The following SHISA6 variants were observed in gnomAD, a reference collection of about 807,000 sequenced individuals.
SHISA6 encodes protein shisa-6.
In SHISA6, 22 loss-of-function variants were observed where a neutral mutation model predicts 47.9. The ratio of observed to expected loss-of-function variants is 0.46; its 90% CI spans 0.33 to 0.66. SHISA6 has a LOEUF of 0.66. Among genes scored for constraint, SHISA6 ranks in the 30% least tolerant of loss-of-function variants. The probability of loss-of-function intolerance (pLI) is 0.02; values close to 1 mark genes in which losing one functional copy is unlikely to be tolerated. For missense variants in SHISA6, 680 were observed against 764.6 expected, an observed-to-expected ratio of 0.89 and a Z score of 1.30; for synonymous variants, 388 against 337.8, an observed-to-expected ratio of 1.15 and a Z score of -1.63.
intron 3 of SHISA6, among the ~76,000 whole-genome samples, chr17:11,383,308 T>G (rs1913085279): frequency 6.6e-6 from 1 of 152,080 alleles, no homozygotes; most frequent in Admixed American, 6.6e-5. Flanking sequence ...CAGCGGGGGC[T>G]CTTCCACTTC....
chr17:11,551,726 A>G (rs868077058), intron 3 of SHISA6, among the ~76,000 whole-genome samples, 170 bp from the exon 4 acceptor site: 1 of 152,198 alleles, frequency 6.6e-6, no homozygotes, highest in Non-Finnish European at 1.5e-5. Context: ...AGAGAGACAG[A>G]AACAGCAGGG....
At position 11,305,918 on chromosome 17, in the gene SHISA6, T is replaced by C. The variant is rs1294423585; in HGVS notation, c.799+42392T>C. Reference sequence around the variant, plus strand: ...CACAGAGAAAGGGAGAAGGCATTATTTGTGGGCAGTTAGTGGTCTTCACTG... The same window carrying C: ...CACAGAGAAAGGGAGAAGGCATTATCTGTGGGCAGTTAGTGGTCTTCACTG... On this transcript the variant is annotated intron_variant, in intron 2 of 5. Coordinates refer to ENST00000441885, the MANE Select transcript of SHISA6 (RefSeq NM_207386.4). Among the ~76,000 whole-genome samples, 5 of 152,148 alleles carry C rather than the reference T, an allele frequency of 3.3e-5. No individual in the cohort carries two copies. The East Asian group carries it at 9.6e-4, about 29-fold the overall frequency.
intron 3 of SHISA6, among the ~76,000 whole-genome samples, chr17:11,443,126 A>T (rs954479350): frequency 5.3e-5 from 8 of 152,232 alleles, no homozygotes; most frequent in African/African-American, 1.9e-4. Flanking sequence ...TGACACACGT[A>T]CTTGACCCGG....
In SHISA6 at chr17:11,332,698, CT is replaced by C. The variant is rs1380677286; in HGVS notation, c.800-46713del. ...AGCCACCTCCTGCAGGTTTCCAGGC[CT>C]TTAAATTCAAGTGGATAGATTATGC... On this transcript the variant is annotated intron_variant, in intron 2 of 5. Transcript: ENST00000441885. Among the ~76,000 whole-genome samples the C allele has an allele frequency of 3.9e-5, 6 of 152,130 alleles. No homozygotes were observed. The East Asian group carries it at 5.8e-4, about 15-fold the overall frequency.
intron 2 of SHISA6, among the ~76,000 whole-genome samples, chr17:11,362,670 TGCC>T (rs1285482739): frequency 6.6e-6 from 1 of 152,248 alleles, no homozygotes; most frequent in African/African-American, 2.4e-5. Context: ...TTTTCTCATG[TGCC>T]ATATGAAGGT....
At chr17:11,395,513 C>CTTTTT (rs886287303) in intron 3 of SHISA6, among the ~76,000 whole-genome samples, 16 of 117,368 alleles carry the variant, frequency 1.4e-4, no homozygotes, top group South Asian at 2.8e-4. Flanking sequence ...GGCAGTTTTA[C>CTTTTT]TTTTTTTTTT....
intron 2 of SHISA6, among the ~76,000 whole-genome samples, chr17:11,291,226 T>C (rs1035492316): frequency 1.3e-5 from 2 of 151,862 alleles, no homozygotes; most frequent in African/African-American, 2.4e-5. Context: ...CCCATGCATA[T>C]AATTAAAATA....
chr17:11,547,172 G>T (rs2193107), intron 3 of SHISA6, among the ~76,000 whole-genome samples: 9,265 of 152,268 alleles, frequency 0.061, 372 homozygotes, highest in Middle Eastern at 0.092. Flanking sequence ...GAATTAGGAT[G>T]CAGAGGAATT....
intron 2 of SHISA6, among the ~76,000 whole-genome samples, chr17:11,328,363 G>T (rs1268572927): frequency 6.6e-6 from 1 of 152,186 alleles, no homozygotes; most frequent in Non-Finnish European, 1.5e-5. Context: ...CGGAGCCACA[G>T]CTCTGGGGCT....
At chr17:11,503,293 T>C (rs1355911646) in intron 3 of SHISA6, among the ~76,000 whole-genome samples, 1 of 151,966 alleles carries the variant, frequency 6.6e-6, no homozygotes, top group Non-Finnish European at 1.5e-5. Flanking sequence ...TTGCCTATTA[T>C]CTGCCTGCGA....
At chr17:11,451,414 C>T (rs969290650) in intron 3 of SHISA6, among the ~76,000 whole-genome samples, 4 of 152,106 alleles carry the variant, frequency 2.6e-5, no homozygotes, top group African/African-American at 7.2e-5. Flanking sequence ...GTGTCAGAAA[C>T]GTTTATATGT....
chr17:11,258,067 A>G (rs373111432), intron 1 of SHISA6, among the ~76,000 whole-genome samples: 2 of 152,372 alleles, frequency 1.3e-5, no homozygotes, highest in South Asian at 2.1e-4. Flanking sequence ...TTCAAAAACA[A>G]GAGTGTTCTC....
intron 2 of SHISA6, among the ~76,000 whole-genome samples, chr17:11,285,603 C>T (rs759980139): frequency 3.9e-5 from 6 of 152,122 alleles, no homozygotes; most frequent in Non-Finnish European, 7.3e-5. Context: ...TTACTTTGAG[C>T]GAGGGACTGA....
At chr17:11,500,089 AGAGAT>A (rs1374934161) in intron 3 of SHISA6, among the ~76,000 whole-genome samples, 1 of 152,174 alleles carries the variant, frequency 6.6e-6, no homozygotes, top group Non-Finnish European at 1.5e-5. Flanking sequence ...GGCAGAGGCC[AGAGAT>A]GAGAAAAGAC....
intron 2 of SHISA6, among the ~76,000 whole-genome samples, chr17:11,334,290 T>C (rs1237568579): frequency 6.6e-6 from 1 of 152,062 alleles, no homozygotes; most frequent in East Asian, 1.9e-4. Context: ...AACACCCAGC[T>C]GGTGTTTGAA....
intron 2 of SHISA6, among the ~76,000 whole-genome samples, chr17:11,296,826 A>G (rs930627706): frequency 2.0e-5 from 3 of 152,116 alleles, no homozygotes; most frequent in Non-Finnish European, 4.4e-5. Flanking sequence ...AGGGAGTAGA[A>G]GGAAATCCAG....
At chr17:11,317,273 G>A (rs895164079) in intron 2 of SHISA6, among the ~76,000 whole-genome samples, 1 of 151,246 alleles carries the variant, frequency 6.6e-6, no homozygotes, top group South Asian at 2.1e-4. Flanking sequence ...TTTCTCTATT[G>A]TATTTTATTT....
chr17:11,420,122 T>C (rs1334544997), intron 3 of SHISA6, among the ~76,000 whole-genome samples: 2 of 152,180 alleles, frequency 1.3e-5, no homozygotes, highest in African/African-American at 4.8e-5. Context: ...GAGAATCACT[T>C]GAACCCAGAA....
chr17:11,355,389 A>G (rs1383525853), intron 2 of SHISA6, among the ~76,000 whole-genome samples: 1 of 152,174 alleles, frequency 6.6e-6, no homozygotes, highest in East Asian at 1.9e-4. Flanking sequence ...TTTTTTCTTT[A>G]TCTAGCAGAA....
Sources: gnomAD v4.1 joint callset for allele counts (sites outside exome capture counted in the v4.1 genomes callset) on GRCh38, gnomAD v4.1.1 for gene constraint, MANE v1.5 for transcripts, NCBI Gene and HGNC (gene_info 2026-07-23, HGNC 2026-07-21) for gene names.